Variants in RBFOX3 observed in about 807,000 individuals in gnomAD.
RBFOX3 encodes RNA binding protein fox-1 homolog 3.
A neutral mutation model predicts 48.7 loss-of-function variants in RBFOX3; 17 were observed. The observed-to-expected ratio is 0.35, with a 90% confidence interval of 0.24 to 0.52. RBFOX3 has a LOEUF of 0.52. Ranked by LOEUF, RBFOX3 falls within the 20% of genes least tolerant of loss-of-function variation. The pLI is 0.94. For missense variants in RBFOX3, 382 were observed against 497.5 expected, an observed-to-expected ratio of 0.77 and a Z score of 2.21; for synonymous variants, 212 against 209.5, an observed-to-expected ratio of 1.01 and a Z score of -0.10.
chr17:79,106,949 G>A (rs889281126), intron 5 of RBFOX3, among the ~76,000 whole-genome samples, 161 bp from the exon 6 acceptor site: 2 of 152,150 alleles, frequency 1.3e-5, no homozygotes, highest in African/African-American at 4.8e-5. Context: ...TGGGCAGACG[G>A]TTCCCATGAG....
At chr17:79,297,594 C>T (rs1390333519) in intron 3 of RBFOX3, among the ~76,000 whole-genome samples, 4 of 152,254 alleles carry the variant, frequency 2.6e-5, no homozygotes, top group Non-Finnish European at 5.9e-5. Flanking sequence ...TGGCCCAGTG[C>T]CTGCCACAAA....
At position 79,103,959 on chromosome 17, in the gene RBFOX3, C is replaced by G; in HGVS notation, c.414+114G>C. 2.4e-6 allele frequency: 2 copies of G among 844,910 alleles called. No homozygotes were observed. The highest frequency in any genetic ancestry group is 1.5e-5 in the South Asian group (1 of 66,150). The allele number at this position is 844,910 out of a possible 1,614,324, so 52.3% of individuals were successfully genotyped here. On this transcript the variant is annotated intron_variant, in intron 7 of 14. Transcript: ENST00000693108. The surrounding 1 kb of genome is among the most constrained non-coding windows in gnomAD (Gnocchi z 6.1). ...GAGCGGGGAATACAAGCACCCGTGT[C>G]GCTCAGGGGTCCTCGGGCGCGAAGC...
intron 2 of RBFOX3, among the ~76,000 whole-genome samples, chr17:79,326,005 C>T (rs978990109): frequency 2.0e-5 from 3 of 152,206 alleles, no homozygotes; most frequent in Non-Finnish European, 4.4e-5. Context: ...GTGTCCATTA[C>T]TATAACTCAC....
In RBFOX3 at chr17:79,391,640, G is replaced by A. The variant is rs1352841684; in HGVS notation, c.-174-83816C>T. 2.6e-5 allele frequency among the ~76,000 whole-genome samples: 4 copies of A among 152,168 alleles called. No homozygotes were observed. Among genetic ancestry groups the A allele is most frequent in the African/African-American group, 4.8e-5 (2 of 41,428 alleles). On this transcript the variant is annotated intron_variant, in intron 2 of 14. Transcript: ENST00000693108. This position sits in a 1 kb window ranked among gnomAD's most constrained non-coding sequence, Gnocchi z 5.0. Reference sequence around the variant, plus strand: ...GAGGCCCAGTGAGGTACATGTACACGTGCACATGTGCATACATGCGTGTGT... The same window carrying A: ...GAGGCCCAGTGAGGTACATGTACACATGCACATGTGCATACATGCGTGTGT...
At chr17:79,185,062 G>A (rs1390627204) in intron 4 of RBFOX3, among the ~76,000 whole-genome samples, 1 of 152,040 alleles carries the variant, frequency 6.6e-6, no homozygotes, top group Admixed American at 6.5e-5. Context: ...GCAGGTAGGT[G>A]CAGGCACCTG....
chr17:79,332,118 C>T (rs572137718), intron 2 of RBFOX3, among the ~76,000 whole-genome samples: 23 of 152,304 alleles, frequency 1.5e-4, no homozygotes, highest in African/African-American at 4.8e-4. Flanking sequence ...ACCAGAGCAG[C>T]CATGAACTAG....
intron 2 of RBFOX3, among the ~76,000 whole-genome samples, chr17:79,345,599 T>C (rs1037112293): frequency 6.6e-6 from 1 of 152,230 alleles, no homozygotes; most frequent in Admixed American, 6.5e-5. Flanking sequence ...TTTATGTTTA[T>C]TGATTATATA....
At chr17:79,315,505 G>C (rs1333311534) in intron 2 of RBFOX3, among the ~76,000 whole-genome samples, 1 of 152,262 alleles carries the variant, frequency 6.6e-6, no homozygotes, top group Non-Finnish European at 1.5e-5. Context: ...CGCAGGGGTA[G>C]GGGAAGAGCG....
chr17:79,275,064 G>A (rs907444971), intron 3 of RBFOX3, among the ~76,000 whole-genome samples: 18 of 140,776 alleles, frequency 1.3e-4, no homozygotes, highest in African/African-American at 4.2e-4. Context: ...TGTGCTACCC[G>A]GCCTTCCTGA....
intron 2 of RBFOX3, among the ~76,000 whole-genome samples, chr17:79,396,991 G>A (rs1396724541): frequency 3.3e-5 from 5 of 152,242 alleles, no homozygotes; most frequent in Admixed American, 6.5e-5. Flanking sequence ...AGGCTAAGCC[G>A]CAGAGCCTGA....
At chr17:79,114,758 G>A (rs576548998) in intron 5 of RBFOX3, among the ~76,000 whole-genome samples, 1 of 152,330 alleles carries the variant, frequency 6.6e-6, no homozygotes, top group East Asian at 1.9e-4. Context: ...AGCAGGGGCA[G>A]GGGAGGCACA....
intron 2 of RBFOX3, among the ~76,000 whole-genome samples, chr17:79,387,823 C>T (rs1035065966): frequency 1.2e-4 from 18 of 152,258 alleles, no homozygotes; most frequent in African/African-American, 4.1e-4. Flanking sequence ...ACCCATACCC[C>T]AAGAGCAGGA....
At position 79,585,007 on chromosome 17, in the gene RBFOX3, C is replaced by T. The variant is rs1008031222; in HGVS notation, c.-320+25819G>A. ...TTCTCGATCTCCTGACCTCGTGATC[C>T]GCCCGCCTCAGCCTCCCAAAGCGCT... On this transcript the variant is annotated intron_variant, in intron 1 of 14. Transcript: ENST00000693108. Among the ~76,000 whole-genome samples the T allele has an allele frequency of 2.4e-4, 36 of 151,968 alleles. No individual in the cohort carries two copies. In the East Asian group the frequency reaches 5.7e-3, roughly 24 times the overall value.
rs77626853 is a variant in RBFOX3, at chr17:79,264,501, G to A, written c.-73-28696C>T. On this transcript the variant is annotated intron_variant, in intron 3 of 14. Coordinates refer to ENST00000693108, the MANE Select transcript of RBFOX3 (RefSeq NM_001350451.2). ...ATTACAGGCAGAAGTCACTGCACCC[G>A]GCTCCTGCTGACATCTTGATTTTAG... Among the ~76,000 whole-genome samples, 540 of 152,006 alleles carry A rather than the reference G, an allele frequency of 3.6e-3. 6 individuals are homozygous for A. The East Asian group carries it at 0.06, about 17-fold the overall frequency.
At position 79,202,996 on chromosome 17, in the gene RBFOX3, T is replaced by A. The variant is rs1012099870; in HGVS notation, c.-34+32770A>T. Among the ~76,000 whole-genome samples, 12 of 151,770 alleles carry A rather than the reference T, an allele frequency of 7.9e-5. 1 individual carries two copies. Among genetic ancestry groups the A allele is most frequent in the African/African-American group, 2.9e-4 (12 of 41,396 alleles). ...TGGATTCCTTCTCCTTTCCCTATTTTACTCTCCCCAGTGCCCCTCCCTCCT... is the reference window on the plus strand; with the variant it reads ...TGGATTCCTTCTCCTTTCCCTATTTAACTCTCCCCAGTGCCCCTCCCTCCT... On this transcript the variant is annotated intron_variant, in intron 4 of 14. Coordinates refer to ENST00000693108, the MANE Select transcript of RBFOX3 (RefSeq NM_001350451.2).
chr17:79,144,487 A>C (rs940626693), intron 4 of RBFOX3, among the ~76,000 whole-genome samples: 2 of 152,142 alleles, frequency 1.3e-5, no homozygotes, highest in African/African-American at 4.8e-5. Context: ...GGGCAGGTCC[A>C]AGTCTAGATG....
intron 1 of RBFOX3, among the ~76,000 whole-genome samples, chr17:79,592,475 C>T (rs1472922616): frequency 6.6e-6 from 1 of 151,944 alleles, no homozygotes; most frequent in African/African-American, 2.4e-5. Flanking sequence ...GTAGTGTGTG[C>T]ATGTGTACGT....
At chr17:79,277,468 C>G (rs2069173186) in intron 3 of RBFOX3, among the ~76,000 whole-genome samples, 1 of 152,224 alleles carries the variant, frequency 6.6e-6, no homozygotes, top group African/African-American at 2.4e-5. Flanking sequence ...AACTTCATGA[C>G]TAATTTAAAG....
intron 1 of RBFOX3, among the ~76,000 whole-genome samples, chr17:79,499,900 C>T (rs2082152773): frequency 6.6e-6 from 1 of 152,172 alleles, no homozygotes; most frequent in Non-Finnish European, 1.5e-5. Context: ...TACTTCATGC[C>T]CTTTGCCATG....
Sources: gnomAD v4.1 joint callset for allele counts (sites outside exome capture counted in the v4.1 genomes callset) on GRCh38, gnomAD v4.1.1 for gene constraint, Gnocchi (gnomAD v3.1) non-coding constraint, MANE v1.5 for transcripts, NCBI Gene and HGNC (gene_info 2026-07-23, HGNC 2026-07-21) for gene names.